MBD5: variants seen among roughly 807,000 people sequenced by gnomAD.
The protein encoded by MBD5 is methyl-CpG-binding domain protein 5.
MBD5 carries 13 observed loss-of-function variants against 117.3 expected under a neutral mutation model. That is an observed-to-expected ratio of 0.11 (90% CI 0.07 to 0.18). The LOEUF is 0.18. Among genes scored for constraint, MBD5 ranks in the 10% least tolerant of loss-of-function variants. MBD5 has a pLI of 1.00. For synonymous variants in MBD5, 727 were observed against 766.4 expected (o/e 0.95, Z 0.85); for missense variants, 1,879 against 2,093.8 (o/e 0.90, Z 2.00).
At chr2:148,376,385 A>G (rs867354477) in intron 4 of MBD5, among the ~76,000 whole-genome samples, 35 of 148,166 alleles carry the variant, frequency 2.4e-4, no homozygotes, top group Admixed American at 6.1e-4. Flanking sequence ...CTCCTGCCTC[A>G]GCCTCCCGAG....
At chr2:148,280,131 C>CAAAAAAAAAAAAAAAAAAAAAAAAGAA (rs3076398) in intron 3 of MBD5, among the ~76,000 whole-genome samples, 1 of 91,886 alleles carries the variant, frequency 1.1e-5, no homozygotes, top group African/African-American at 4.0e-5. Context: ...AAACTAACTG[C>CAAAAAAAAAAAAAAAAAAAAAAAAGAA]AAAAAAAAAA....
At chr2:148,413,909 A>C (rs1578893) in intron 4 of MBD5, among the ~76,000 whole-genome samples, 2 of 95,166 alleles carry the variant, frequency 2.1e-5, no homozygotes, top group Non-Finnish European at 4.2e-5. Flanking sequence ...CTTATTTTCT[A>C]AAAAAAAAAA....
intron 11 of MBD5, among the ~76,000 whole-genome samples, chr2:148,499,516 C>T (rs1681809492): frequency 6.6e-6 from 1 of 152,062 alleles, no homozygotes; most frequent in African/African-American, 2.4e-5. Context: ...TAAATTCTCA[C>T]TAAGATAGAG....
chr2:148,126,977 C>CTTTT (rs373037152), intron 1 of MBD5, among the ~76,000 whole-genome samples: 1 of 130,768 alleles, frequency 7.6e-6, no homozygotes, highest in Non-Finnish European at 1.6e-5. Context: ...TTTTTTCTTT[C>CTTTT]TTTTTTTTTT....
intron 1 of MBD5, among the ~76,000 whole-genome samples, chr2:148,042,826 T>C (rs1320320497): frequency 2.6e-5 from 4 of 152,146 alleles, no homozygotes; most frequent in African/African-American, 7.2e-5. Flanking sequence ...CTGAAAGAAA[T>C]TTTACAAATA....
chr2:148,368,863 G>T (rs916819455), intron 4 of MBD5, among the ~76,000 whole-genome samples: 1 of 151,912 alleles, frequency 6.6e-6, no homozygotes, highest in African/African-American at 2.4e-5. Context: ...TAAAATTAGC[G>T]AGTAAAATTT....
At chr2:148,491,285 G>C (rs543168525) in intron 11 of MBD5, among the ~76,000 whole-genome samples, 1 of 147,732 alleles carries the variant, frequency 6.8e-6, no homozygotes, top group South Asian at 2.1e-4. Context: ...AATTAGTAGG[G>C]GTCTTCTGGG....
intron 2 of MBD5, among the ~76,000 whole-genome samples, chr2:148,219,597 T>C (rs1172325143): frequency 6.6e-6 from 1 of 152,146 alleles, no homozygotes; most frequent in Non-Finnish European, 1.5e-5. Context: ...TAGTTTCTGG[T>C]GCATAGAAAA....
rs72854863 is a variant in MBD5 at position 148,185,105 on chromosome 2, A to C, written c.-831+6312A>C. Reference sequence around the variant, plus strand: ...CTGAGTCCCTGTAGATATGGGAACTATAAGTTTTTTACTCAAGTCATGGAA... The same window carrying C: ...CTGAGTCCCTGTAGATATGGGAACTCTAAGTTTTTTACTCAAGTCATGGAA... On this transcript the variant is annotated intron_variant, in intron 2 of 13. Coordinates refer to ENST00000642680, the MANE Select transcript of MBD5 (RefSeq NM_001378120.1). 4.9e-3 allele frequency among the ~76,000 whole-genome samples: 745 copies of C among 152,290 alleles called. 8 individuals carry two copies. The highest frequency in any genetic ancestry group is 0.017 in the African/African-American group (722 of 41,562).
intron 4 of MBD5, among the ~76,000 whole-genome samples, chr2:148,417,936 C>T (rs1705474912): frequency 2.0e-5 from 3 of 151,880 alleles, no homozygotes; most frequent in Admixed American, 2.0e-4. Context: ...GCCTCCTGGG[C>T]TCAAGCGATC....
chr2:148,240,639 G>A (rs1469775895), intron 3 of MBD5, among the ~76,000 whole-genome samples: 1 of 152,070 alleles, frequency 6.6e-6, no homozygotes. Flanking sequence ...TACATTTTTA[G>A]TATATATCTT....
At chr2:148,437,370 A>G (rs746307928) in intron 4 of MBD5, among the ~76,000 whole-genome samples, 1 of 152,158 alleles carries the variant, frequency 6.6e-6, no homozygotes, top group Non-Finnish European at 1.5e-5. Flanking sequence ...AAGCAAGACC[A>G]CTGCTGCAGC....
chr2:148,492,113 T>C (rs573907710), intron 11 of MBD5, among the ~76,000 whole-genome samples: 1 of 151,962 alleles, frequency 6.6e-6, no homozygotes, highest in East Asian at 1.9e-4. Flanking sequence ...ATCTTCTGAT[T>C]AATCTGTGCT....
At chr2:148,225,134 GTCT>G (rs1316804974) in intron 2 of MBD5, among the ~76,000 whole-genome samples, 1 of 151,976 alleles carries the variant, frequency 6.6e-6, no homozygotes, top group African/African-American at 2.4e-5. Context: ...TTATTTTGTG[GTCT>G]TCTTTCCTTC....
intron 1 of MBD5, among the ~76,000 whole-genome samples, chr2:148,105,547 T>G (rs17299559): frequency 0.021 from 3,267 of 152,258 alleles, 125 homozygotes; most frequent in African/African-American, 0.074. Flanking sequence ...GTTAGCAATT[T>G]GTATGTGCCT....
At chr2:148,203,744 C>T (rs1699201729) in intron 2 of MBD5, among the ~76,000 whole-genome samples, 1 of 152,150 alleles carries the variant, frequency 6.6e-6, no homozygotes, top group South Asian at 2.1e-4. Context: ...AAAGCTGAGT[C>T]TAGCAAGATT....
chr2:148,054,367 A>G (rs1203934359), intron 1 of MBD5: 3 of 152,218 alleles, frequency 2.0e-5, no homozygotes, highest in African/African-American at 4.8e-5. Context: ...TTAGTTATTT[A>G]TCTCTTTTAT....
chr2:148,412,325 G>GTA (rs1053642283), intron 4 of MBD5, among the ~76,000 whole-genome samples: 9 of 149,818 alleles, frequency 6.0e-5, no homozygotes, highest in Non-Finnish European at 1.2e-4. Context: ...ATATATATAT[G>GTA]TATATATATA....
intron 3 of MBD5, among the ~76,000 whole-genome samples, chr2:148,282,502 A>G (rs1701270539): frequency 6.6e-6 from 1 of 150,964 alleles, no homozygotes; most frequent in Non-Finnish European, 1.5e-5. Flanking sequence ...TGAAAGGATT[A>G]AATGAAATCT....
Sources: gnomAD v4.1 joint callset for allele counts (sites outside exome capture counted in the v4.1 genomes callset) on GRCh38, gnomAD v4.1.1 for gene constraint, MANE v1.5 for transcripts, NCBI Gene and HGNC (gene_info 2026-07-23, HGNC 2026-07-21) for gene names.